Variants in CACNB2 observed in about 807,000 individuals in gnomAD.
The protein encoded by CACNB2 is calcium voltage-gated channel auxiliary subunit beta 2.
In CACNB2, 42 loss-of-function variants were observed where a neutral mutation model predicts 73.3. That is an observed-to-expected ratio of 0.57 (90% CI 0.45 to 0.74). The LOEUF is 0.74. Among genes scored for constraint, CACNB2 ranks in the 30% least tolerant of loss-of-function variants. CACNB2 has a pLI of 0.00. For synonymous variants in CACNB2, 348 were observed against 310.3 expected, an observed-to-expected ratio of 1.12 and a Z score of -1.28; for missense variants, 940 against 853.0, an observed-to-expected ratio of 1.10 and a Z score of -1.27.
intron 3 of CACNB2, among the ~76,000 whole-genome samples, chr10:18,468,031 G>A (rs2047991053): frequency 1.3e-5 from 2 of 152,172 alleles, no homozygotes; most frequent in Non-Finnish European, 2.9e-5. Context: ...CCTTAAGGAA[G>A]ATGGCATTCC....
chr10:18,157,327 T>C (rs2032130986), intron 2 of CACNB2, among the ~76,000 whole-genome samples: 1 of 152,222 alleles, frequency 6.6e-6, no homozygotes, highest in African/African-American at 2.4e-5. Context: ...ATTTATTAGT[T>C]GGCCTTTGGA....
At chr10:18,456,752 T>C (rs922821045) in intron 3 of CACNB2, among the ~76,000 whole-genome samples, 1 of 152,230 alleles carries the variant, frequency 6.6e-6, no homozygotes, top group African/African-American at 2.4e-5. Flanking sequence ...ATTTGTCCTT[T>C]TGTGACTGGC....
rs138728394 is a variant in CACNB2, at chr10:18,357,221, G to A, written c.214-44703G>A. The stretch of plus-strand genomic sequence containing the variant: ...GCCTCCCAAAGTGCTGGGATTACAG[G>A]CGTGAGCCACCGCGCCCGGCTGACT... On this transcript the variant is annotated intron_variant, in intron 2 of 13. Transcript: ENST00000324631. 3.4e-3 allele frequency among the ~76,000 whole-genome samples: 522 copies of A among 152,088 alleles called. 1 individual carries two copies. The highest frequency in any genetic ancestry group is 0.012 in the African/African-American group (493 of 41,476).
At chr10:18,211,496 A>G (rs2131352719) in intron 2 of CACNB2, among the ~76,000 whole-genome samples, 1 of 152,280 alleles carries the variant, frequency 6.6e-6, no homozygotes, top group Admixed American at 6.5e-5. Flanking sequence ...TATTGCCAAT[A>G]GAGTTGCTTC....
intron 2 of CACNB2, among the ~76,000 whole-genome samples, chr10:18,277,100 G>A (rs2038328209): frequency 6.6e-6 from 1 of 152,188 alleles, no homozygotes; most frequent in Non-Finnish European, 1.5e-5. Flanking sequence ...CTGAGGGATG[G>A]AGCGAGATCT....
At chr10:18,348,613 C>G (rs965310367) in intron 2 of CACNB2, among the ~76,000 whole-genome samples, 1 of 152,104 alleles carries the variant, frequency 6.6e-6, no homozygotes, top group South Asian at 2.1e-4. Context: ...TCCTGATTCT[C>G]CTGCCTCAGC....
In CACNB2 at chr10:18,446,533, A is replaced by T. The variant is rs371489011; in HGVS notation, c.333+44490A>T. Among the ~76,000 whole-genome samples, 35 of 152,268 alleles carry T rather than the reference A, an allele frequency of 2.3e-4. No individual in the cohort carries two copies. In the South Asian group the frequency reaches 6.8e-3, roughly 30 times the overall value. On this transcript the variant is annotated intron_variant, in intron 3 of 13. Coordinates refer to ENST00000324631, the MANE Select transcript of CACNB2 (RefSeq NM_201596.3). ...GAGGCTGGACAAATAACTGGAGACA[A>T]GAGAGGAGATGGGTGATAAAGGGAG...
intron 2 of CACNB2, among the ~76,000 whole-genome samples, chr10:18,392,247 A>T (rs1226774539): frequency 6.6e-6 from 1 of 152,154 alleles, no homozygotes; most frequent in Non-Finnish European, 1.5e-5. Context: ...CTAACAAAGG[A>T]GACTTAGAAG....
intron 2 of CACNB2, chr10:18,400,803 G>A (rs2043954819): frequency 2.8e-6 from 4 of 1,434,172 alleles, no homozygotes; most frequent in Non-Finnish European, 3.6e-6. Context: ...GCAATATAAA[G>A]CACTCGAGTG....
At chr10:18,148,197 A>T (rs376402635) in intron 1 of CACNB2, among the ~76,000 whole-genome samples, 1 of 152,166 alleles carries the variant, frequency 6.6e-6, no homozygotes, top group African/African-American at 2.4e-5. Flanking sequence ...TTTTAATATG[A>T]TATATGATAG....
chr10:18,497,060 A>G (rs1036828109), intron 3 of CACNB2, among the ~76,000 whole-genome samples: 1 of 151,512 alleles, frequency 6.6e-6, no homozygotes. Flanking sequence ...AAAATACAAA[A>G]AATTAGCTGG....
intron 9 of CACNB2, chr10:18,519,937 G>T (rs2051683071): frequency 3.0e-6 from 1 of 334,294 alleles, no homozygotes. Context: ...GAAATACTTT[G>T]CTTGGTTTCT....
Position 18,518,696 on chromosome 10 carries a change from G to A in CACNB2, c.886-214G>A, listed in dbSNP as rs150825509. ...AAATGGAGACCGACTGAAACCACTT[G>A]CAATGTTATTTGTCACTAAAACATC... On this transcript the variant is annotated intron_variant, in intron 8 of 13. Coordinates refer to ENST00000324631, the MANE Select transcript of CACNB2 (RefSeq NM_201596.3). 3.7e-3 allele frequency among the ~76,000 whole-genome samples: 570 copies of A among 152,252 alleles called. 3 individuals are homozygous for A. Among genetic ancestry groups the A allele is most frequent in the Non-Finnish European group, 6.7e-3 (453 of 68,022 alleles).
intron 2 of CACNB2, among the ~76,000 whole-genome samples, chr10:18,370,663 C>G (rs2042542486): frequency 6.6e-6 from 1 of 152,194 alleles, no homozygotes; most frequent in Non-Finnish European, 1.5e-5. Flanking sequence ...TAGAAGTCCT[C>G]ATAGGGCTGG....
intron 2 of CACNB2, among the ~76,000 whole-genome samples, chr10:18,299,958 C>T (rs1384763828): frequency 6.6e-6 from 1 of 151,996 alleles, no homozygotes; most frequent in Non-Finnish European, 1.5e-5. Context: ...TCTAAATTTC[C>T]GACCCTGTTC....
chr10:18,494,642 A>T (rs2049673094), intron 3 of CACNB2, among the ~76,000 whole-genome samples: 1 of 151,492 alleles, frequency 6.6e-6, no homozygotes, highest in Non-Finnish European at 1.5e-5. Flanking sequence ...AAAAAAAAAA[A>T]AAAAAAAGAA....
chr10:18,438,975 T>C (rs1392265031), intron 3 of CACNB2, among the ~76,000 whole-genome samples: 1 of 152,192 alleles, frequency 6.6e-6, no homozygotes, highest in African/African-American at 2.4e-5. Context: ...GGCCAGCACG[T>C]GAATTGGTGG....
At chr10:18,299,896 C>A (rs1348053581) in intron 2 of CACNB2, among the ~76,000 whole-genome samples, 1 of 152,110 alleles carries the variant, frequency 6.6e-6, no homozygotes, top group East Asian at 1.9e-4. Flanking sequence ...ACCTCTGATG[C>A]CAATCTAGAT....
intron 2 of CACNB2, among the ~76,000 whole-genome samples, chr10:18,275,666 G>T (rs2038254179): frequency 6.6e-6 from 1 of 151,904 alleles, no homozygotes; most frequent in Non-Finnish European, 1.5e-5. Context: ...AAAAAAGAAA[G>T]TTTCATATTA....
Sources: gnomAD v4.1 joint callset for allele counts (sites outside exome capture counted in the v4.1 genomes callset) on GRCh38, gnomAD v4.1.1 for gene constraint, MANE v1.5 for transcripts, NCBI Gene and HGNC (gene_info 2026-07-23, HGNC 2026-07-21) for gene names.